The following TRAPPC9 variants were observed in gnomAD, a reference collection of about 807,000 sequenced individuals.
The protein encoded by TRAPPC9 is IKK2 binding protein.
TRAPPC9 carries 83 observed loss-of-function variants against 124.0 expected under a neutral mutation model. The observed-to-expected ratio is 0.67, with a 90% CI of 0.56 to 0.80. TRAPPC9 has a LOEUF of 0.80. TRAPPC9 is among the 30% of genes least tolerant of loss of function. The pLI, the probability that TRAPPC9 is intolerant of heterozygous loss-of-function variation, is 0.00. For synonymous variants in TRAPPC9, 638 were observed against 617.5 expected (o/e 1.03, Z -0.49); for missense variants, 1,302 against 1,508.3 (o/e 0.86, Z 2.27).
At chr8:140,144,394 T>C (rs2061425728) in intron 17 of TRAPPC9, among the ~76,000 whole-genome samples, 1 of 152,264 alleles carries the variant, frequency 6.6e-6, no homozygotes, top group Admixed American at 6.5e-5. Context: ...CATAAAGTCT[T>C]GTACACGTCA....
chr8:140,383,800 G>A (rs891948587), intron 7 of TRAPPC9, among the ~76,000 whole-genome samples: 1 of 152,052 alleles, frequency 6.6e-6, no homozygotes, highest in East Asian at 1.9e-4. Flanking sequence ...TCAAATTCAC[G>A]AAATACAGAG....
chr8:140,125,587 C>CTTT (rs11292333), intron 17 of TRAPPC9, among the ~76,000 whole-genome samples: 2,297 of 67,768 alleles, frequency 0.034, 197 homozygotes, highest in African/African-American at 0.063. Context: ...GAATCTCATT[C>CTTT]TTTTTTTTTT....
chr8:140,039,438 C>A (rs1841120634), intron 17 of TRAPPC9, among the ~76,000 whole-genome samples: 1 of 152,186 alleles, frequency 6.6e-6, no homozygotes, highest in East Asian at 1.9e-4. Flanking sequence ...CAGCGCCTCC[C>A]TGGATTGTGT....
At chr8:139,950,924 C>G (rs937769178) in intron 19 of TRAPPC9, among the ~76,000 whole-genome samples, 1 of 152,196 alleles carries the variant, frequency 6.6e-6, no homozygotes, top group African/African-American at 2.4e-5. Flanking sequence ...GAGCCGCACC[C>G]GCCTTACAGC....
chr8:139,864,147 T>C (rs919317077), intron 21 of TRAPPC9, among the ~76,000 whole-genome samples: 3 of 152,226 alleles, frequency 2.0e-5, no homozygotes, highest in African/African-American at 7.2e-5. Flanking sequence ...CCAGGACTCT[T>C]TCCTGTGCTG....
chr8:139,742,923 G>A lies in TRAPPC9; in HGVS notation c.3056-10721C>T, dbSNP rs1187481302. ...CTGCCTGACTGCACCCTAGAGAGGC[G>A]GGTTTCCTCTGTCTAGGGTGGTGCT... On this transcript the variant is annotated intron_variant, in intron 21 of 22. Coordinates refer to ENST00000438773, the MANE Select transcript of TRAPPC9 (RefSeq NM_001160372.4). The surrounding 1 kb of genome is among the most constrained non-coding windows in gnomAD (Gnocchi z 4.7). 6.6e-6 allele frequency among the ~76,000 whole-genome samples: 1 copy of A among 152,120 alleles called. No individual in the cohort carries two copies. Among genetic ancestry groups the A allele is most frequent in the African/African-American group, 2.4e-5 (1 of 41,410 alleles).
intron 17 of TRAPPC9, among the ~76,000 whole-genome samples, chr8:140,208,381 T>C (rs1039721015): frequency 1.3e-5 from 2 of 152,130 alleles, no homozygotes; most frequent in Non-Finnish European, 2.9e-5. Context: ...CTTAAGGTGG[T>C]GGTCCTCAAA....
upstream of TRAPPC9, chr8:140,458,159 G>T: frequency 2.0e-6 from 3 of 1,489,010 alleles, no homozygotes; most frequent in South Asian, 2.4e-5. Flanking sequence ...GGAGGGAGAT[G>T]GAGGGAGATG....
intron 5 of TRAPPC9, among the ~76,000 whole-genome samples, chr8:140,411,409 T>C (rs2069702047): frequency 6.6e-6 from 1 of 152,216 alleles, no homozygotes; most frequent in African/African-American, 2.4e-5. Flanking sequence ...TGGCGAAATC[T>C]TGGCTCACTG....
intron 21 of TRAPPC9, among the ~76,000 whole-genome samples, chr8:139,767,475 T>C (rs1397930116): frequency 6.6e-6 from 1 of 151,966 alleles, no homozygotes; most frequent in African/African-American, 2.4e-5. Context: ...CCAGACAAAG[T>C]GGGAGGGAGT....
rs938301813 is a variant in TRAPPC9, at chr8:139,803,169, G to A, written c.3056-70967C>T. On this transcript the variant is annotated intron_variant, in intron 21 of 22. Coordinates refer to ENST00000438773, the MANE Select transcript of TRAPPC9 (RefSeq NM_001160372.4). Reference sequence around the variant, plus strand: ...GCCGTCGTGTGAGTGTGCTGTGTGCGCGTTGTGTATGTCATTGTGTGTGCA... The same window carrying A: ...GCCGTCGTGTGAGTGTGCTGTGTGCACGTTGTGTATGTCATTGTGTGTGCA... Among the ~76,000 whole-genome samples the A allele has an allele frequency of 5.9e-5, 9 of 151,540 alleles. No individual in the cohort carries two copies. In the East Asian group the frequency reaches 7.8e-4, roughly 13 times the overall value.
At chr8:140,005,810 G>T (rs1410203702) in intron 18 of TRAPPC9, among the ~76,000 whole-genome samples, 2 of 151,860 alleles carry the variant, frequency 1.3e-5, no homozygotes, top group African/African-American at 4.8e-5. Flanking sequence ...TACTTGGGAG[G>T]CTGAGGCAGG....
intron 5 of TRAPPC9, among the ~76,000 whole-genome samples, chr8:140,408,994 A>G (rs2069595842): frequency 6.6e-6 from 1 of 152,208 alleles, no homozygotes; most frequent in African/African-American, 2.4e-5. Flanking sequence ...AATATATTCA[A>G]CCACATAAAA....
intron 19 of TRAPPC9, among the ~76,000 whole-genome samples, chr8:139,948,269 A>G (rs944094502): frequency 0.014 from 2,146 of 150,664 alleles, 50 homozygotes; most frequent in African/African-American, 0.049. Flanking sequence ...ACACACACAC[A>G]CACACACACA....
intron 17 of TRAPPC9, among the ~76,000 whole-genome samples, chr8:140,055,879 G>A (rs530352865): frequency 5.3e-5 from 8 of 151,972 alleles, no homozygotes; most frequent in Non-Finnish European, 8.8e-5. Flanking sequence ...AGGACATCTC[G>A]TATTCATAGA....
At chr8:140,173,121 C>T (rs1443287335) in intron 17 of TRAPPC9, among the ~76,000 whole-genome samples, 1 of 152,160 alleles carries the variant, frequency 6.6e-6, no homozygotes, top group African/African-American at 2.4e-5. Context: ...AGGTTTTATA[C>T]TGACGTATGC....
At chr8:139,865,974 G>T (rs541722281) in intron 21 of TRAPPC9, among the ~76,000 whole-genome samples, 1 of 151,860 alleles carries the variant, frequency 6.6e-6, no homozygotes, top group East Asian at 2.0e-4. Context: ...GAAATACATC[G>T]GTTCGGTCCA....
At chr8:139,831,879 T>C (rs760934580) in intron 21 of TRAPPC9, among the ~76,000 whole-genome samples, 5 of 152,378 alleles carry the variant, frequency 3.3e-5, no homozygotes, top group African/African-American at 7.2e-5. Context: ...CTCCGTGCTC[T>C]TTCCACAGTG....
chr8:139,918,846 A>G (rs1473296481), intron 19 of TRAPPC9, among the ~76,000 whole-genome samples: 1 of 152,184 alleles, frequency 6.6e-6, no homozygotes, highest in Non-Finnish European at 1.5e-5. Flanking sequence ...GCAGTGCAAG[A>G]CCTGGGCTCC....
Sources: gnomAD v4.1 joint callset for allele counts (sites outside exome capture counted in the v4.1 genomes callset) on GRCh38, gnomAD v4.1.1 for gene constraint, Gnocchi (gnomAD v3.1) non-coding constraint, MANE v1.5 for transcripts, NCBI Gene and HGNC (gene_info 2026-07-23, HGNC 2026-07-21) for gene names.